GUK1: variants seen among roughly 807,000 people sequenced by gnomAD.
The protein encoded by GUK1 is guanylate kinase 1.
GUK1 carries 18 observed loss-of-function variants against 25.2 expected under a neutral mutation model. The observed-to-expected ratio is 0.71, with a 90% CI of 0.49 to 1.06. The LOEUF is 1.06. Among genes scored for constraint, GUK1 ranks in the 50% least tolerant of loss-of-function variants. GUK1 has a pLI of 0.00. For missense variants in GUK1, 261 were observed against 276.7 expected, an observed-to-expected ratio of 0.94 and a Z score of 0.40; for synonymous variants, 105 against 117.6, an observed-to-expected ratio of 0.89 and a Z score of 0.69.
intron 2 of GUK1, among the ~76,000 whole-genome samples, chr1:228,143,379 T>C (rs1352589257): frequency 6.6e-6 from 1 of 152,218 alleles, no homozygotes; most frequent in East Asian, 1.9e-4. Flanking sequence ...ATCGGGTCCT[T>C]CGAAGCACAT....
chr1:228,142,419 G>A (rs928263869), intron 2 of GUK1, among the ~76,000 whole-genome samples: 4 of 152,156 alleles, frequency 2.6e-5, no homozygotes, highest in South Asian at 2.1e-4. Flanking sequence ...ACCCCTGCCT[G>A]GCAGCAGCTG....
intron 2 of GUK1, chr1:228,144,693 C>T (rs1236173104): frequency 2.0e-6 from 2 of 984,008 alleles, no homozygotes; most frequent in African/African-American, 3.5e-5. Context: ...ACCCCCAGCT[C>T]TCAGTCCAGC....
chr1:228,147,016 C>A, intron 5 of GUK1, 78 bp downstream of exon 4: 2 of 935,226 alleles, frequency 2.1e-6, no homozygotes, highest in Non-Finnish European at 3.5e-6. Flanking sequence ...TGCTGCCTGC[C>A]CGCCATCCAC....
At chr1:228,144,617 G>A (rs1475476420) in intron 2 of GUK1, 1 of 565,532 alleles carries the variant, frequency 1.8e-6, no homozygotes, top group South Asian at 7.7e-5. Context: ...CAGGCCCCCT[G>A]GGGATTTATT....
intron 8 of GUK1, 32 bp downstream of exon 7, chr1:228,148,488 G>A (rs1190855674): frequency 1.3e-6 from 2 of 1,524,882 alleles, no homozygotes; most frequent in Non-Finnish European, 8.9e-7. Context: ...CCTGGGCAAG[G>A]CCCAAGGGGA....
chr1:228,140,999 A>G (rs542557698), intron 1 of GUK1: 114 of 201,604 alleles, frequency 5.7e-4, no homozygotes, highest in Non-Finnish European at 9.2e-4. Flanking sequence ...AGGTGCCTCA[A>G]AGTTGATTTT....
intron 2 of GUK1, among the ~76,000 whole-genome samples, chr1:228,142,219 G>A (rs2034102159): frequency 1.3e-5 from 2 of 152,276 alleles, no homozygotes; most frequent in African/African-American, 4.8e-5. Flanking sequence ...TGGCTGGCCA[G>A]GGCCCCCAGT....
intron 4 of GUK1, 153 bp from the exon 4 acceptor site, chr1:228,146,689 G>T (rs2034397191): frequency 1.6e-6 from 1 of 643,134 alleles, no homozygotes; most frequent in South Asian, 1.7e-5. Flanking sequence ...GCACTTGAGG[G>T]GTCCTCAGAT....
intron 1 of GUK1, chr1:228,141,069 C>T (rs1050555373): frequency 2.9e-5 from 26 of 891,770 alleles, no homozygotes; most frequent in Non-Finnish European, 3.5e-5. Flanking sequence ...GTCCTGAGGC[C>T]CCGGGCTGGG....
chr1:228,143,367 A>G (rs1459384461), intron 2 of GUK1, among the ~76,000 whole-genome samples: 4 of 152,220 alleles, frequency 2.6e-5, no homozygotes, highest in South Asian at 4.1e-4. Context: ...TAGCTCTCCC[A>G]TATCGGGTCC....
intron 2 of GUK1, among the ~76,000 whole-genome samples, chr1:228,143,163 AG>A (rs2034155755): frequency 6.6e-6 from 1 of 152,110 alleles, no homozygotes; most frequent in African/African-American, 2.4e-5. Flanking sequence ...CGTAGCATCT[AG>A]GTTCAGACCC....
At chr1:228,140,243 C>A, upstream of GUK1, 1 of 1,386,446 alleles carries the variant, frequency 7.2e-7, no homozygotes, top group Non-Finnish European at 9.8e-7. Flanking sequence ...CGCGCGCGGG[C>A]GGAGGTGGGC....
intron 4 of GUK1, chr1:228,146,374 A>C: frequency 2.0e-6 from 1 of 506,058 alleles, no homozygotes. Flanking sequence ...AGCACTTTTG[A>C]GCTGTCTTCT....
intron 2 of GUK1, chr1:228,141,743 G>A: frequency 7.5e-7 from 1 of 1,326,000 alleles, no homozygotes; most frequent in Non-Finnish European, 1.0e-6. Context: ...CGTTCTGGCA[G>A]AGACCATTCC....
At chr1:228,148,003 C>T (rs907979372) in intron 7 of GUK1, 7 of 581,734 alleles carry the variant, frequency 1.2e-5, no homozygotes, top group African/African-American at 5.6e-5. Flanking sequence ...CTTCTAGCCC[C>T]GGGGGTGTCA....
At chr1:228,146,498 A>G (rs1361843331) in intron 4 of GUK1, 1 of 433,918 alleles carries the variant, frequency 2.3e-6, no homozygotes, top group East Asian at 4.0e-5. Context: ...TCACCCCACC[A>G]CATCGTCCCC....
At chr1:228,143,780 C>T (rs375584968) in intron 2 of GUK1, among the ~76,000 whole-genome samples, 4 of 152,162 alleles carry the variant, frequency 2.6e-5, no homozygotes, top group South Asian at 4.1e-4. Context: ...CCGAGCTAAG[C>T]GCAGGGGCAA....
At chr1:228,145,290 T>A (rs891288537) in intron 2 of GUK1, 17 of 405,424 alleles carry the variant, frequency 4.2e-5, no homozygotes, top group African/African-American at 2.5e-4. Flanking sequence ...TCGTCTCCCG[T>A]GTGCCCAGAG....
chr1:228,140,323 C>T lies in GUK1; in HGVS notation c.-208C>T, dbSNP rs538018394. 35 of 1,529,306 alleles carry T rather than the reference C, an allele frequency of 2.3e-5. 1 individual carries two copies. In the South Asian group the frequency reaches 3.5e-4, roughly 15 times the overall value. The allele number at this position is 1,529,306 out of a possible 1,614,324, so 94.7% of individuals were successfully genotyped here. On this transcript the variant is annotated 5_prime_UTR_variant, in exon 1 of 9. Transcript: ENST00000312726. ...CCCGGATGCTGCGGCGCCCGCTGGC[C>T]GGGCTGGCTGCGGCCGCCCTGGGCC...
Sources: gnomAD v4.1 joint callset for allele counts (sites outside exome capture counted in the v4.1 genomes callset) on GRCh38, gnomAD v4.1.1 for gene constraint, MANE v1.5 for transcripts, NCBI Gene and HGNC (gene_info 2026-07-23, HGNC 2026-07-21) for gene names.